The following GALR1 variants were observed in gnomAD, a reference collection of about 807,000 sequenced individuals.
GALR1 encodes galanin receptor 1.
In GALR1, 11 loss-of-function variants were observed where a neutral mutation model predicts 17.9. The ratio of observed to expected loss-of-function variants is 0.62; its 90% confidence interval spans 0.39 to 1.02. GALR1 has a LOEUF of 1.02. Ranked by LOEUF, GALR1 falls within the 50% of genes least tolerant of loss-of-function variation. The pLI is 0.01. For synonymous variants in GALR1, 206 were observed against 205.7 expected (o/e 1.00, Z -0.01); for missense variants, 441 against 456.9 (o/e 0.97, Z 0.32).
At chr18:77,257,317 T>G (rs1010419164) in intron 2 of GALR1, among the ~76,000 whole-genome samples, 3 of 152,098 alleles carry the variant, frequency 2.0e-5, no homozygotes, top group Non-Finnish European at 4.4e-5. Context: ...ATGTTAGAAA[T>G]GCAATCATAC....
intron 1 of GALR1, among the ~76,000 whole-genome samples, chr18:77,253,465 T>C (rs1218314369): frequency 6.6e-6 from 1 of 152,222 alleles, no homozygotes; most frequent in Non-Finnish European, 1.5e-5. Context: ...AGCACACGCT[T>C]CCTTATTTCC....
intron 2 of GALR1, among the ~76,000 whole-genome samples, chr18:77,260,760 TA>T: frequency 6.6e-6 from 1 of 152,328 alleles, no homozygotes; most frequent in African/African-American, 2.4e-5. Context: ...ATGCTTTTCT[TA>T]AACTCTGCTA....
intron 2 of GALR1, among the ~76,000 whole-genome samples, chr18:77,262,389 T>G (rs982932411): frequency 6.6e-6 from 1 of 152,128 alleles, no homozygotes. Flanking sequence ...CAGTAGTAAA[T>G]CAAAAAAGAT....
Position 77,251,595 on chromosome 18 carries a change from C to A in GALR1, c.666+381C>A, listed in dbSNP as rs370540240. ...CCTTCCCGGTACAGCAAACCCCGCT[C>A]GGTTCCAGCAACTCTTCAACCAGAT... On this transcript the variant is annotated intron_variant, in intron 1 of 2. Transcript: ENST00000299727. Among the ~76,000 whole-genome samples, 97 of 152,336 alleles carry A rather than the reference C, an allele frequency of 6.4e-4. 1 individual carries two copies. Among genetic ancestry groups the A allele is most frequent in the Middle Eastern group, 3.4e-3 (1 of 294 alleles).
chr18:77,256,928 A>C (rs1400181725), intron 2 of GALR1, among the ~76,000 whole-genome samples: 2 of 152,242 alleles, frequency 1.3e-5, no homozygotes, highest in Admixed American at 1.3e-4. Context: ...TTACTCAGAA[A>C]ATATCTATAT....
chr18:77,265,148 C>T (rs376119365), intron 2 of GALR1, among the ~76,000 whole-genome samples: 10 of 152,266 alleles, frequency 6.6e-5, no homozygotes, highest in African/African-American at 1.7e-4. Flanking sequence ...ATCAAAAGCA[C>T]GTACCTATTA....
chr18:77,250,454 T>A lies in GALR1; in HGVS notation c.-95T>A, dbSNP rs1264543331. 2 of 1,289,126 alleles carry A rather than the reference T, an allele frequency of 1.6e-6. No individual in the cohort carries two copies. Among genetic ancestry groups the A allele is most frequent in the Admixed American group, 3.4e-5 (1 of 29,054 alleles). 79.9% of individuals were successfully genotyped at this position (1,289,126 alleles called of 1,614,324 possible). A position where few individuals can be genotyped will look rare whatever the true frequency, so the allele number is the denominator to read the frequency against. On this transcript the variant is annotated 5_prime_UTR_variant, in exon 1 of 3. Transcript: ENST00000299727. Reference sequence around the variant, plus strand: ...CAGACTCCTAAACTCGCACTCTCCGTGCTTTGCGCCGGGACCCCTGGCCAC... The same window carrying A: ...CAGACTCCTAAACTCGCACTCTCCGAGCTTTGCGCCGGGACCCCTGGCCAC...
rs1448395392 is a variant in GALR1, at chr18:77,269,528, A to G, written c.*626A>G. ...TGAGATACAGTCGGTTTACCTCAGG[A>G]GTCAATTCAGTGTTGTACTGGTGAC... On this transcript the variant is annotated 3_prime_UTR_variant, in exon 3 of 3. Transcript: ENST00000299727. The G allele has an allele frequency of 6.6e-6, 1 of 152,454 alleles. No homozygotes were observed. Among genetic ancestry groups the G allele is most frequent in the African/African-American group, 2.4e-5 (1 of 41,456 alleles). 9.4% of individuals were successfully genotyped at this position (152,454 alleles called of 1,614,324 possible). A position where few individuals can be genotyped will look rare whatever the true frequency, so the allele number is the denominator to read the frequency against.
In GALR1 at chr18:77,250,279, A is replaced by G. The variant is rs953157653; in HGVS notation, c.-270A>G. The stretch of plus-strand genomic sequence containing the variant: ...CGGAGGCGCCCGGGAAGGGGACCCC[A>G]GTGCTCTCGAGATCACCGTCCCTTC... On this transcript the variant is annotated 5_prime_UTR_variant, in exon 1 of 3. Coordinates refer to ENST00000299727, the MANE Select transcript of GALR1 (RefSeq NM_001480.4). Among the ~76,000 whole-genome samples, 1 of 152,152 alleles carries G rather than the reference A, an allele frequency of 6.6e-6. No homozygotes were observed. The highest frequency in any genetic ancestry group is 2.4e-5 in the African/African-American group (1 of 41,438).
chr18:77,256,317 A>G, intron 2 of GALR1, 94 bp downstream of exon 2: 1 of 712,666 alleles, frequency 1.4e-6, no homozygotes, highest in South Asian at 1.7e-5. Context: ...CAAAGCCTGT[A>G]ACATTTAGGA....
chr18:77,250,568 A>G lies in GALR1; in HGVS notation c.20A>G (p.Asn7Ser), dbSNP rs1417094515. The G allele has an allele frequency of 6.5e-7, 1 of 1,535,902 alleles. No individual in the cohort carries two copies. The highest frequency in any genetic ancestry group is 2.4e-5 in the East Asian group (1 of 40,904). The change falls in exon 1 of 3, where the codon AAC becomes AGC. Residue 7 changes from asparagine to serine, a missense_variant. Transcript: ENST00000299727. ...CGGGCCATGGAGCTGGCGGTCGGGAACCTCAGCGAGGGCAACGCGAGCTGG... is the reference window on the plus strand; with the variant it reads ...CGGGCCATGGAGCTGGCGGTCGGGAGCCTCAGCGAGGGCAACGCGAGCTGG... MELAVG[N>S]LSEGNASWPE...
In GALR1 at chr18:77,251,011, G is replaced by A; in HGVS notation, c.463G>A (p.Gly155Ser). 3 of 1,605,186 alleles carry A rather than the reference G, an allele frequency of 1.9e-6. No individual in the cohort carries two copies. The highest frequency in any genetic ancestry group is 2.5e-6 in the Non-Finnish European group (3 of 1,179,856). Residue 155 changes from glycine (G) to serine (S), a missense_variant, in exon 1 of 3, where the codon GGC (glycine) becomes AGC (serine). Gly to Ser is a moderately conservative substitution (Grantham distance 56). Coordinates refer to ENST00000299727, the MANE Select transcript of GALR1 (RefSeq NM_001480.4). ...CAGGGTGTCCCGCAACGCGCTGCTG[G>A]GCGTGGGCTGCATCTGGGCGCTGTC... Reference protein sequence around the residue: ...SLRVSRNALLGVGCIWALSIA... With the variant: ...SLRVSRNALLSVGCIWALSIA...
Position 77,268,755 on chromosome 18 carries a change from C to T in GALR1, c.903C>T (p.Ile301=), listed in dbSNP as rs1458561402. Residue 301 remains isoleucine (I), a synonymous_variant, in exon 3 of 3, where the codon ATC becomes ATT. Transcript: ENST00000299727. ...ACAGCAATTCCTCCGTGAATCCTAT[C>T]ATTTATGCATTTCTCTCTGAAAATT... ...LAYSNSSVNP[I]IYAFLSENFR... 1.2e-6 allele frequency: 2 copies of T among 1,614,148 alleles called. No individual in the cohort carries two copies. The highest frequency in any genetic ancestry group is 1.1e-5 in the South Asian group (1 of 91,078).
At chr18:77,264,568 C>G (rs192204895) in intron 2 of GALR1, among the ~76,000 whole-genome samples, 90 of 152,202 alleles carry the variant, frequency 5.9e-4, no homozygotes, top group African/African-American at 2.0e-3. Context: ...CTCCATGAAA[C>G]CCAGTGAGGT....
chr18:77,264,448 T>C (rs1912902213), intron 2 of GALR1, among the ~76,000 whole-genome samples: 1 of 152,168 alleles, frequency 6.6e-6, no homozygotes, highest in African/African-American at 2.4e-5. Flanking sequence ...CTCCCACTTA[T>C]CCATTTTAGA....
rs1052226127 is a variant in GALR1, at chr18:77,277,147, T to G, written c.*8245T>G. 2 of 152,194 alleles carry G rather than the reference T, an allele frequency of 1.3e-5. No homozygotes were observed. Among genetic ancestry groups the G allele is most frequent in the African/African-American group, 4.8e-5 (2 of 41,444 alleles). 9.4% of individuals were successfully genotyped at this position (152,194 alleles called of 1,614,324 possible). The stretch of plus-strand genomic sequence containing the variant: ...AAATAAACTTTCCCTGTACTTAAAG[T>G]TTTTAAATTAAGTATCTTCTGATAA... On this transcript the variant is annotated 3_prime_UTR_variant, in exon 3 of 3. Transcript: ENST00000299727.
intron 2 of GALR1, among the ~76,000 whole-genome samples, chr18:77,259,754 G>A (rs1281442560): frequency 6.6e-6 from 1 of 151,906 alleles, no homozygotes; most frequent in African/African-American, 2.4e-5. Flanking sequence ...AAAGAGATGG[G>A]AGAGAGGAGC....
chr18:77,274,788 CTTTA>C lies in GALR1; in HGVS notation c.*5890_*5893del, dbSNP rs1913124042. ...CAACTAATCCAAAAAATCTATCATC[CTTTA>C]TTTGTGTTGACTTTCTGATTATGCC... On this transcript the variant is annotated 3_prime_UTR_variant, in exon 3 of 3. Coordinates refer to ENST00000299727, the MANE Select transcript of GALR1 (RefSeq NM_001480.4). The C allele has an allele frequency of 6.6e-6, 1 of 152,160 alleles. No individual in the cohort carries two copies. The highest frequency in any genetic ancestry group is 2.1e-4 in the South Asian group (1 of 4,824). 9.4% of individuals were successfully genotyped at this position (152,160 alleles called of 1,614,324 possible).
rs202045915 is a variant in GALR1 at position 77,268,667 on chromosome 18, T to C, written c.815T>C (p.Phe272Ser). 16 of 1,614,094 alleles carry C rather than the reference T, an allele frequency of 9.9e-6. No individual in the cohort carries two copies. The highest frequency in any genetic ancestry group is 5.0e-5 in the Admixed American group (3 of 59,998). ...CACATCATCCATCTCTGGGCTGAGT[T>C]TGGAGTTTTCCCGCTGACGCCGGCT... ...PHHIIHLWAE[F>S]GVFPLTPASF... is the part of the protein sequence containing the mutation. The change falls in exon 3 of 3, where the codon TTT becomes TCT. Residue 272 changes from phenylalanine to serine, a missense_variant. Phe to Ser is a radical substitution (Grantham distance 155, BLOSUM62 -2). Coordinates refer to ENST00000299727, the MANE Select transcript of GALR1 (RefSeq NM_001480.4).
Sources: gnomAD v4.1 joint callset for allele counts (sites outside exome capture counted in the v4.1 genomes callset) on GRCh38, gnomAD v4.1.1 for gene constraint, MANE v1.5 for transcripts, NCBI Gene and HGNC (gene_info 2026-07-23, HGNC 2026-07-21) for gene names.